TMEM108: variants seen among roughly 807,000 people sequenced by gnomAD.
TMEM108 encodes the protein transmembrane protein 108.
Under a neutral mutation model 35.1 loss-of-function variants are expected in TMEM108, and 12 were observed. The ratio of observed to expected loss-of-function variants is 0.34; its 90% confidence interval spans 0.22 to 0.55. TMEM108 has a LOEUF of 0.55. Among genes scored for constraint, TMEM108 ranks in the 20% least tolerant of loss-of-function variants. TMEM108 has a pLI of 0.89. For synonymous variants in TMEM108, 287 were observed against 308.6 expected (o/e 0.93, Z 0.73); for missense variants, 680 against 753.3 (o/e 0.90, Z 1.14).
At chr3:133,178,859 A>G (rs1559858724) in intron 2 of TMEM108, among the ~76,000 whole-genome samples, 1 of 152,206 alleles carries the variant, frequency 6.6e-6, no homozygotes, top group Non-Finnish European at 1.5e-5. Context: ...AACTACCATC[A>G]GAGTGAACAG....
intron 2 of TMEM108, among the ~76,000 whole-genome samples, chr3:133,069,436 G>A (rs1429492684): frequency 3.3e-5 from 5 of 152,082 alleles, no homozygotes; most frequent in Admixed American, 1.3e-4. Context: ...GGACTCCTTC[G>A]TTTCAGTGGT....
chr3:133,121,915 A>T (rs1944357636), intron 2 of TMEM108, among the ~76,000 whole-genome samples: 1 of 152,156 alleles, frequency 6.6e-6, no homozygotes, highest in South Asian at 2.1e-4. Flanking sequence ...AGCTGAAAAA[A>T]ATATTATACC....
chr3:133,145,705 G>A (rs1037336256), intron 2 of TMEM108, among the ~76,000 whole-genome samples: 2 of 152,082 alleles, frequency 1.3e-5, no homozygotes, highest in African/African-American at 4.8e-5. Flanking sequence ...GTATTCCTAG[G>A]TATTTTATTC....
Position 133,388,351 on chromosome 3 carries a change from G to A in TMEM108, c.1451-1829G>A, listed in dbSNP as rs943198549. 9.2e-6 allele frequency: 9 copies of A among 980,754 alleles called. No homozygotes were observed. In the East Asian group the frequency reaches 3.5e-4, roughly 38 times the overall value. 60.8% of individuals were successfully genotyped at this position (980,754 alleles called of 1,614,324 possible). A position where few individuals can be genotyped will look rare whatever the true frequency, so the allele number is the denominator to read the frequency against. ...ACATACCTGTGACCTGTGGCAAGGCGGCCAGCACTTTAGGCCACAGTTTTT... is the reference window on the plus strand; with the variant it reads ...ACATACCTGTGACCTGTGGCAAGGCAGCCAGCACTTTAGGCCACAGTTTTT... On this transcript the variant is annotated intron_variant, in intron 4 of 5. Coordinates refer to ENST00000321871, the MANE Select transcript of TMEM108 (RefSeq NM_023943.4).
intron 2 of TMEM108, among the ~76,000 whole-genome samples, chr3:133,064,825 A>G (rs562533645): frequency 6.6e-6 from 1 of 152,138 alleles, no homozygotes; most frequent in African/African-American, 2.4e-5. Flanking sequence ...TTCATTCTTT[A>G]CAAATAAATC....
intron 3 of TMEM108, among the ~76,000 whole-genome samples, chr3:133,296,956 G>T (rs551950447): frequency 7.4e-4 from 112 of 152,254 alleles, no homozygotes; most frequent in African/African-American, 2.5e-3. Context: ...TTAATGGTTG[G>T]GGGGATGGTG....
intron 2 of TMEM108, among the ~76,000 whole-genome samples, chr3:133,065,294 A>T (rs1018762985): frequency 5.9e-5 from 9 of 152,030 alleles, no homozygotes; most frequent in Non-Finnish European, 1.0e-4. Context: ...CCACACACAC[A>T]CACACACACG....
chr3:133,059,607 G>A (rs958169461), intron 2 of TMEM108, among the ~76,000 whole-genome samples: 1 of 152,204 alleles, frequency 6.6e-6, no homozygotes, highest in African/African-American at 2.4e-5. Context: ...AATTGGCTGT[G>A]CGGCTGCGGA....
At chr3:133,144,511 T>C (rs1346161506) in intron 2 of TMEM108, among the ~76,000 whole-genome samples, 1 of 152,204 alleles carries the variant, frequency 6.6e-6, no homozygotes, top group Non-Finnish European at 1.5e-5. Flanking sequence ...CTGGGTCAAG[T>C]GGTATTTCTA....
chr3:133,102,306 G>T (rs1311961137), intron 2 of TMEM108, among the ~76,000 whole-genome samples: 2 of 152,180 alleles, frequency 1.3e-5, no homozygotes, highest in Non-Finnish European at 2.9e-5. Flanking sequence ...GCCAGTGAAA[G>T]AAGTTTCTGT....
intron 3 of TMEM108, among the ~76,000 whole-genome samples, chr3:133,291,830 C>T (rs1947073450): frequency 6.6e-6 from 1 of 152,182 alleles, no homozygotes; most frequent in Non-Finnish European, 1.5e-5. Context: ...CGGCCTTTCT[C>T]AGCTCCAGAC....
chr3:133,210,292 C>T (rs1227680531), intron 2 of TMEM108, among the ~76,000 whole-genome samples: 1 of 152,136 alleles, frequency 6.6e-6, no homozygotes, highest in African/African-American at 2.4e-5. Flanking sequence ...GTCTGATTTC[C>T]TTAATCTGGG....
chr3:133,272,038 G>T (rs915785481), intron 3 of TMEM108, among the ~76,000 whole-genome samples: 2 of 152,166 alleles, frequency 1.3e-5, no homozygotes, highest in African/African-American at 2.4e-5. Flanking sequence ...TCTGCTGTAG[G>T]AGCTAAAGGA....
chr3:133,091,411 C>G (rs1943945440), intron 2 of TMEM108, among the ~76,000 whole-genome samples: 1 of 152,132 alleles, frequency 6.6e-6, no homozygotes, highest in Non-Finnish European at 1.5e-5. Context: ...TTGACTAGAT[C>G]AGTGGCTTTT....
At chr3:133,253,495 G>C (rs771925862) in intron 3 of TMEM108, 4 of 152,044 alleles carry the variant, frequency 2.6e-5, no homozygotes, top group Non-Finnish European at 5.9e-5. Context: ...CATCAGATCT[G>C]CACACTGGAA....
intron 2 of TMEM108, among the ~76,000 whole-genome samples, chr3:133,110,499 T>C (rs964896590): frequency 6.6e-6 from 1 of 152,226 alleles, no homozygotes; most frequent in Non-Finnish European, 1.5e-5. Context: ...GAAAGGCATG[T>C]TCGTGACATT....
intron 3 of TMEM108, among the ~76,000 whole-genome samples, chr3:133,311,481 C>T (rs935116912): frequency 5.3e-5 from 8 of 152,048 alleles, no homozygotes; most frequent in Non-Finnish European, 1.2e-4. Flanking sequence ...TCACTGATAC[C>T]CTTTCTTCCA....
intron 1 of TMEM108, 26 bp downstream of exon 1, chr3:133,038,461 C>A (rs1943232161): frequency 6.6e-6 from 1 of 152,370 alleles, no homozygotes; most frequent in Non-Finnish European, 1.5e-5. Flanking sequence ...GGGCGTCCCC[C>A]CAGTCCTTCC....
chr3:133,378,612 C>T lies in TMEM108; in HGVS notation c.41-1140C>T, dbSNP rs964741475. On this transcript the variant is annotated intron_variant, in intron 3 of 5. Transcript: ENST00000321871. ...CCTTCCTCAGCCGTAGAGACAGGCT[C>T]TTCCCAACCCATGTGTTGTCAACGG... The T allele has an allele frequency of 5.5e-6, 5 of 906,378 alleles. No homozygotes were observed. In the African/African-American group the frequency reaches 9.0e-5, roughly 16 times the overall value. The allele number at this position is 906,378 out of a possible 1,614,324, so 56.1% of individuals were successfully genotyped here. A position where few individuals can be genotyped will look rare whatever the true frequency, so the allele number is the denominator to read the frequency against.
Sources: gnomAD v4.1 joint callset for allele counts (sites outside exome capture counted in the v4.1 genomes callset) on GRCh38, gnomAD v4.1.1 for gene constraint, MANE v1.5 for transcripts, NCBI Gene and HGNC (gene_info 2026-07-23, HGNC 2026-07-21) for gene names.